CATSPERG: variants seen among roughly 807,000 people sequenced by gnomAD.
CATSPERG encodes cation channel sperm-associated auxiliary subunit gamma.
CATSPERG carries 115 observed loss-of-function variants against 145.0 expected under a neutral mutation model. That is an observed-to-expected ratio of 0.79 (90% CI 0.68 to 0.93). The LOEUF (loss-of-function observed/expected upper bound fraction) is 0.93. Among genes scored for constraint, CATSPERG ranks in the 40% least tolerant of loss-of-function variants. The pLI is 0.00. For synonymous variants in CATSPERG, 588 were observed against 589.0 expected, an observed-to-expected ratio of 1.00 and a Z score of 0.02; for missense variants, 1,296 against 1,490.1, an observed-to-expected ratio of 0.87 and a Z score of 2.14.
intron 1 of CATSPERG, 172 bp downstream of exon 1, chr19:38,336,047 A>C: frequency 3.0e-6 from 1 of 338,698 alleles, no homozygotes; most frequent in African/African-American, 2.5e-5. Context: ...GAGTCGTGGG[A>C]GCTGGCAGAG....
chr19:38,353,720 AG>A (rs1970191991), intron 8 of CATSPERG, among the ~76,000 whole-genome samples: 1 of 146,010 alleles, frequency 6.8e-6, no homozygotes, highest in Non-Finnish European at 1.5e-5. Context: ...AAAAAGAAAA[AG>A]GCCAGGCGCG....
Position 38,370,616 on chromosome 19 carries a change from C to T in CATSPERG, c.3304C>T (p.Arg1102Trp), listed in dbSNP as rs369302546. Residue 1102 changes from arginine (R) to tryptophan (W), a missense_variant, in exon 29 of 29, where the codon CGG (arginine) becomes TGG (tryptophan). Physicochemically the swap from Arg to Trp is moderately radical, Grantham distance 101. Transcript: ENST00000409235. ...CGTGGTGAAGGGCTGCACGATGATC[C>T]GGTGGAAGATAAACAACCTCATTGC... ...PLVVKGCTMI[R>W]WKINNLIASE... The T allele has an allele frequency of 1.3e-4, 213 of 1,614,130 alleles. No homozygotes were observed. In the Admixed American group the frequency reaches 3.3e-3, roughly 25 times the overall value.
Position 38,344,340 on chromosome 19 carries a change from A to G in CATSPERG, c.641A>G (p.Asn214Ser), listed in dbSNP as rs958614806. ...GGCTTCCTGAAGAGAGACCGGGACA[A>G]TAACATCCAATTCACTGTGGGAGAG... is the stretch of plus-strand genomic sequence containing the variant. ...INGFLKRDRD[N>S]NIQFTVGEEL... The change falls in exon 6 of 29, where the codon AAT becomes AGT. Residue 214 changes from asparagine (N) to serine (S), a missense_variant. Transcript: ENST00000409235. 1.5e-5 allele frequency: 24 copies of G among 1,551,714 alleles called. No homozygotes were observed. Among genetic ancestry groups the G allele is most frequent in the Middle Eastern group, 3.3e-4 (2 of 6,006 alleles).
chr19:38,365,592 C>T (rs768425631), intron 22 of CATSPERG: 7 of 158,224 alleles, frequency 4.4e-5, no homozygotes, highest in Non-Finnish European at 8.3e-5. Context: ...CATTCATTCA[C>T]GTTTTCAGAA....
intron 14 of CATSPERG, 119 bp from the exon 15 acceptor site, chr19:38,360,370 A>C: frequency 1.3e-6 from 2 of 1,500,526 alleles, no homozygotes; most frequent in South Asian, 2.6e-5. Flanking sequence ...GTCCCAGTGG[A>C]GGTGAGTTTC....
chr19:38,358,694 C>T, intron 13 of CATSPERG, 133 bp downstream of exon 13: 1 of 1,090,268 alleles, frequency 9.2e-7, no homozygotes, highest in East Asian at 2.5e-5. Context: ...CAGAAGTTAC[C>T]AGGACTGTGA....
chr19:38,359,925 T>C (rs1970314885), intron 14 of CATSPERG: 1 of 1,032,958 alleles, frequency 9.7e-7, no homozygotes. Context: ...ATATTACCTA[T>C]GGAAGCAGGG....
chr19:38,359,936 G>C, intron 14 of CATSPERG: 1 of 1,038,304 alleles, frequency 9.6e-7, no homozygotes, highest in Non-Finnish European at 1.2e-6. Flanking sequence ...GGAAGCAGGG[G>C]GACCTGGCCC....
chr19:38,365,055 C>T lies in CATSPERG; in HGVS notation c.2557-6C>T. 1 of 1,614,074 alleles carries T rather than the reference C, an allele frequency of 6.2e-7. No individual in the cohort carries two copies. Among genetic ancestry groups the T allele is most frequent in the Non-Finnish European group, 8.5e-7 (1 of 1,180,010 alleles). ...GATCACCATCTTCACCTGCTCCTAC[C>T]CACAGGTGGTGGGTTCATCCGGGCT... On this transcript the variant is annotated splice_region_variant and splice_polypyrimidine_tract_variant and intron_variant, in intron 21 of 28. Transcript: ENST00000409235.
At chr19:38,349,807 GCCAC>G (rs1970106282) in intron 7 of CATSPERG, among the ~76,000 whole-genome samples, 1 of 152,020 alleles carries the variant, frequency 6.6e-6, no homozygotes, top group East Asian at 1.9e-4. Context: ...TGGGATTACA[GCCAC>G]CCACCACCAC....
At chr19:38,367,358 C>T in intron 23 of CATSPERG, 46 bp downstream of exon 23, 2 of 1,592,164 alleles carry the variant, frequency 1.3e-6, no homozygotes, top group Admixed American at 1.7e-5. Flanking sequence ...GCCCTCTTGC[C>T]CCCACTACTT....
intron 26 of CATSPERG, among the ~76,000 whole-genome samples, chr19:38,368,622 C>A (rs947435580): frequency 3.3e-5 from 5 of 152,226 alleles, no homozygotes; most frequent in African/African-American, 1.2e-4. Flanking sequence ...CAGCTCACTG[C>A]AACCTCCACC....
At chr19:38,366,938 C>T in intron 22 of CATSPERG, 3 of 547,846 alleles carry the variant, frequency 5.5e-6, no homozygotes, top group Non-Finnish European at 6.4e-6. Flanking sequence ...AAGTGATCAG[C>T]CCGCCTCGGC....
chr19:38,361,872 G>A lies in CATSPERG; in HGVS notation c.2094+11G>A, dbSNP rs745992327. On this transcript the variant is annotated intron_variant, in intron 17 of 28. Transcript: ENST00000409235. The stretch of plus-strand genomic sequence containing the variant: ...TCCGTGTACGACAAGGTGGGCGTCC[G>A]GCGGCGGGCGGGCAGGCCTGAGACG... 3 of 1,594,360 alleles carry A rather than the reference G, an allele frequency of 1.9e-6. No homozygotes were observed. The South Asian group carries it at 3.4e-5, about 18-fold the overall frequency.
rs373497679 is a variant in CATSPERG, at chr19:38,370,171, G to T, written c.3126G>T (p.Thr1042=). The T allele has an allele frequency of 3.7e-5, 59 of 1,613,724 alleles. No homozygotes were observed. Among genetic ancestry groups the T allele is most frequent in the Non-Finnish European group, 4.7e-5 (55 of 1,180,022 alleles). The change falls in exon 28 of 29, where the codon ACG becomes ACT. Residue 1042 remains threonine, a synonymous_variant. Coordinates refer to ENST00000409235, the MANE Select transcript of CATSPERG (RefSeq NM_021185.5). ...KVLVSNRGVD[T]STYCNYQLTF... ...CCAACCCCTGCAGAGGAGTGGACAC[G>T]AGCACCTACTGCAACTACCAGCTCA...
In CATSPERG at chr19:38,344,479, A is replaced by G; in HGVS notation, c.669+111A>G. The G allele has an allele frequency of 3.4e-6, 3 of 882,470 alleles. No individual in the cohort carries two copies. In the South Asian group the frequency reaches 4.3e-5, roughly 13 times the overall value. 54.7% of individuals were successfully genotyped at this position (882,470 alleles called of 1,614,324 possible). Reference sequence around the variant, plus strand: ...ATTTAGGGAGCACCAACTTCATGCCAGGCCCCACATGAAGATCCCATTAAT... The same window carrying G: ...ATTTAGGGAGCACCAACTTCATGCCGGGCCCCACATGAAGATCCCATTAAT... On this transcript the variant is annotated intron_variant, in intron 6 of 28. Coordinates refer to ENST00000409235, the MANE Select transcript of CATSPERG (RefSeq NM_021185.5).
intron 7 of CATSPERG, chr19:38,349,028 C>T (rs1053414363): frequency 2.6e-5 from 4 of 152,104 alleles, no homozygotes; most frequent in Non-Finnish European, 4.4e-5. Context: ...GGTAATGGGC[C>T]GACACCATAA....
At chr19:38,344,179 C>T in intron 5 of CATSPERG, 60 bp downstream of exon 5, 1 of 1,547,326 alleles carries the variant, frequency 6.5e-7, no homozygotes, top group Admixed American at 2.0e-5. Context: ...ACCCCAGGGT[C>T]CCCAGAGGAG....
Position 38,337,631 on chromosome 19 carries a change from C to A in CATSPERG, c.309C>A (p.Tyr103Ter), listed in dbSNP as rs112634237. 3 of 1,551,624 alleles carry A rather than the reference C, an allele frequency of 1.9e-6. No individual in the cohort carries two copies. In the East Asian group the frequency reaches 7.3e-5, roughly 38 times the overall value. Residue 103 changes from tyrosine (Y) to a stop codon, truncating the protein, a stop_gained, in exon 3 of 29, where the codon TAC (tyrosine) becomes TAA (stop). Coordinates refer to ENST00000409235, the MANE Select transcript of CATSPERG (RefSeq NM_021185.5). LOFTEE classifies it high-confidence loss of function. The part of the protein sequence containing the change: ...LGFPYYLKIN[Y>*]SCEEKPSEDL... ...TCCCTTACTACCTGAAGATCAACTA[C>A]TCCTGCGAGGAAAAGGTGAGTGGGT...
Sources: allele counts gnomAD v4.1 joint callset (sites outside exome capture counted in the v4.1 genomes callset), GRCh38; gene constraint gnomAD v4.1.1; transcripts MANE v1.5; gene names NCBI Gene and HGNC (gene_info 2026-07-23, HGNC 2026-07-21).